Variants in MLLT3 observed in about 807,000 individuals in gnomAD.
MLLT3 encodes the protein protein AF-9.
Under a neutral mutation model 53.2 loss-of-function variants are expected in MLLT3, and 4 were observed. That is an observed-to-expected ratio of 0.08 (90% CI 0.04 to 0.17). The LOEUF is 0.17. Among genes scored for constraint, MLLT3 ranks in the 10% least tolerant of loss-of-function variants. The pLI, the probability that MLLT3 is intolerant of heterozygous loss-of-function variation, is 1.00. For missense variants in MLLT3, 569 were observed against 684.0 expected (o/e 0.83, Z 1.87); for synonymous variants, 283 against 230.6 (o/e 1.23, Z -2.06).
chr9:20,350,587 TC>T (rs1820995528), intron 10 of MLLT3, among the ~76,000 whole-genome samples: 1 of 78,866 alleles, frequency 1.3e-5, no homozygotes, highest in Non-Finnish European at 1.9e-5. Context: ...AGAGCGAGAC[TC>T]CGTCTCAAAA....
At chr9:20,613,147 T>C (rs1407263055) in intron 2 of MLLT3, among the ~76,000 whole-genome samples, 4 of 152,154 alleles carry the variant, frequency 2.6e-5, no homozygotes, top group Admixed American at 1.3e-4. Flanking sequence ...AGAAACAGAA[T>C]TGAGTGGGGG....
chr9:20,605,691 A>C (rs1820545011), intron 2 of MLLT3, among the ~76,000 whole-genome samples: 1 of 152,086 alleles, frequency 6.6e-6, no homozygotes, highest in South Asian at 2.1e-4. Context: ...GGTTTGGGCC[A>C]GAACAATTTT....
chr9:20,428,899 G>C (rs767912807), intron 4 of MLLT3, among the ~76,000 whole-genome samples: 2 of 152,000 alleles, frequency 1.3e-5, no homozygotes, highest in Non-Finnish European at 2.9e-5. Flanking sequence ...TGGGAAAAAT[G>C]TAACTTACCA....
intron 8 of MLLT3, among the ~76,000 whole-genome samples, chr9:20,360,483 TG>T (rs1563935900): frequency 6.6e-6 from 1 of 152,228 alleles, no homozygotes; most frequent in African/African-American, 2.4e-5. Flanking sequence ...AAATGGTAAA[TG>T]GGCAATACTT....
At chr9:20,472,547 A>T (rs1824420529) in intron 2 of MLLT3, among the ~76,000 whole-genome samples, 2 of 152,080 alleles carry the variant, frequency 1.3e-5, no homozygotes, top group African/African-American at 4.8e-5. Context: ...GCATTAAACA[A>T]GTGAAGGTGC....
intron 2 of MLLT3, among the ~76,000 whole-genome samples, chr9:20,612,687 A>G (rs896489870): frequency 2.9e-5 from 4 of 138,374 alleles, no homozygotes; most frequent in African/African-American, 1.2e-4. Context: ...AAAATAGTCA[A>G]TATATATATA....
intron 2 of MLLT3, among the ~76,000 whole-genome samples, chr9:20,548,320 T>C (rs982849711): frequency 1.3e-5 from 2 of 152,216 alleles, no homozygotes; most frequent in Non-Finnish European, 2.9e-5. Flanking sequence ...TTCTCTGACA[T>C]TGCGTTTATG....
At chr9:20,407,653 G>T (rs1822619734) in intron 5 of MLLT3, among the ~76,000 whole-genome samples, 2 of 152,144 alleles carry the variant, frequency 1.3e-5, no homozygotes, top group Non-Finnish European at 2.9e-5. Context: ...TCTTAGGTAG[G>T]TACACTACCT....
At chr9:20,569,771 C>T (rs1013709512) in intron 2 of MLLT3, among the ~76,000 whole-genome samples, 2 of 152,166 alleles carry the variant, frequency 1.3e-5, no homozygotes, top group African/African-American at 4.8e-5. Context: ...CATCTCTTAG[C>T]TATTTCAGTC....
intron 5 of MLLT3, among the ~76,000 whole-genome samples, chr9:20,404,569 A>G (rs940938982): frequency 1.1e-4 from 16 of 152,198 alleles, no homozygotes; most frequent in African/African-American, 3.6e-4. Flanking sequence ...CAGTGATGTG[A>G]TCATAGCTCA....
chr9:20,581,096 T>C (rs1819780434), intron 2 of MLLT3, among the ~76,000 whole-genome samples: 1 of 152,238 alleles, frequency 6.6e-6, no homozygotes, highest in East Asian at 1.9e-4. Context: ...GATTCATTTA[T>C]AGTTTAGGAC....
At chr9:20,387,202 T>C (rs1027085778) in intron 5 of MLLT3, among the ~76,000 whole-genome samples, 2 of 152,232 alleles carry the variant, frequency 1.3e-5, no homozygotes, top group African/African-American at 4.8e-5. Context: ...ACTCTACTCT[T>C]GTAGCATGAA....
intron 2 of MLLT3, among the ~76,000 whole-genome samples, chr9:20,474,595 C>T (rs1427040369): frequency 6.6e-6 from 1 of 151,970 alleles, no homozygotes; most frequent in Admixed American, 6.6e-5. Context: ...GTATTCCATC[C>T]TAATTTGTTT....
chr9:20,576,120 G>A (rs1322150570), intron 2 of MLLT3, among the ~76,000 whole-genome samples: 1 of 152,130 alleles, frequency 6.6e-6, no homozygotes, highest in Non-Finnish European at 1.5e-5. Flanking sequence ...TTATGAAGAT[G>A]GTTTCTTTCC....
intron 5 of MLLT3, among the ~76,000 whole-genome samples, chr9:20,388,481 G>A (rs566800992): frequency 2.0e-5 from 3 of 152,102 alleles, no homozygotes; most frequent in South Asian, 4.2e-4. Context: ...CCAGCTACTC[G>A]GGAGGCTGAG....
chr9:20,538,316 G>T (rs1818537355), intron 2 of MLLT3, among the ~76,000 whole-genome samples: 1 of 152,106 alleles, frequency 6.6e-6, no homozygotes, highest in South Asian at 2.1e-4. Context: ...TACAGATAAG[G>T]CAATTGAAAC....
intron 2 of MLLT3, among the ~76,000 whole-genome samples, chr9:20,507,117 C>G (rs1218995263): frequency 6.6e-6 from 1 of 152,148 alleles, no homozygotes; most frequent in African/African-American, 2.4e-5. Context: ...AAGACGGTGT[C>G]TACATTTGAA....
At chr9:20,546,545 TAAAAAA>T (rs34702803) in intron 2 of MLLT3, among the ~76,000 whole-genome samples, 5 of 145,408 alleles carry the variant, frequency 3.4e-5, no homozygotes, top group Non-Finnish European at 7.6e-5. Context: ...ACCTATCACT[TAAAAAA>T]AAAAAAAAAA....
chr9:20,489,921 G>C (rs1478031831), intron 2 of MLLT3, among the ~76,000 whole-genome samples: 1 of 151,932 alleles, frequency 6.6e-6, no homozygotes, highest in Non-Finnish European at 1.5e-5. Flanking sequence ...GAAAGAAAAT[G>C]AAAAAAATAA....
Sources: allele counts gnomAD v4.1 joint callset (sites outside exome capture counted in the v4.1 genomes callset), GRCh38; gene constraint gnomAD v4.1.1; transcripts MANE v1.5; gene names NCBI Gene and HGNC (gene_info 2026-07-23, HGNC 2026-07-21).